The following RASL11B variants were observed in gnomAD, a reference collection of about 807,000 sequenced individuals.
The protein encoded by RASL11B is ras-like protein family member 11B.
In RASL11B, 14 loss-of-function variants were observed where a neutral mutation model predicts 22.9. That is an observed-to-expected ratio of 0.61 (90% CI 0.40 to 0.96). The LOEUF (loss-of-function observed/expected upper bound fraction) is 0.96, where lower values mean the gene tolerates loss of function less well. RASL11B is among the 40% of genes least tolerant of loss of function. The probability of loss-of-function intolerance (pLI) is 0.00; values close to 1 mark genes in which losing one functional copy is unlikely to be tolerated. For synonymous variants in RASL11B, 143 were observed against 130.2 expected, an observed-to-expected ratio of 1.10 and a Z score of -0.67; for missense variants, 261 against 322.0, an observed-to-expected ratio of 0.81 and a Z score of 1.45.
intron 1 of RASL11B, among the ~76,000 whole-genome samples, 173 bp from the exon 2 acceptor site, chr4:52,863,095 T>TA (rs1718191261): frequency 6.6e-6 from 1 of 152,184 alleles, no homozygotes. Context: ...CGATGCCTTC[T>TA]AGCCCCCTCC....
At chr4:52,863,204 G>A in intron 1 of RASL11B, 64 bp from the exon 2 acceptor site, 1 of 1,408,748 alleles carries the variant, frequency 7.1e-7, no homozygotes, top group East Asian at 2.3e-5. Context: ...CAGGCAGGGG[G>A]TGGGGTGGAG....
Position 52,866,063 on chromosome 4 carries a change from T to TGG in RASL11B, c.*261_*262dup. ...GTACTCTGTGTCTTTTCCTTTAGAGTGGGGAGGGGGCATAATCGTTTCGGT... is the reference window on the plus strand; with the variant it reads ...GTACTCTGTGTCTTTTCCTTTAGAGTGGGGGGAGGGGGCATAATCGTTTCGGT... On this transcript the variant is annotated 3_prime_UTR_variant, in exon 4 of 4. Coordinates refer to ENST00000248706, the MANE Select transcript of RASL11B (RefSeq NM_023940.3). The TGG allele has an allele frequency of 2.0e-6, 1 of 502,472 alleles. No homozygotes were observed. Among genetic ancestry groups the TGG allele is most frequent in the Non-Finnish European group, 3.6e-6 (1 of 281,536 alleles). 31.1% of individuals were successfully genotyped at this position (502,472 alleles called of 1,614,324 possible).
intron 3 of RASL11B, 106 bp downstream of exon 3, chr4:52,864,660 G>A (rs113335600): frequency 1.3e-6 from 1 of 786,904 alleles, no homozygotes; most frequent in Admixed American, 1.8e-5. Flanking sequence ...AATTTGGGGA[G>A]TCACATCTAG....
chr4:52,862,433 CCG>C lies in RASL11B; in HGVS notation c.-73_-72del. 6.6e-7 allele frequency: 1 copy of C among 1,512,520 alleles called. No individual in the cohort carries two copies. Among genetic ancestry groups the C allele is most frequent in the Non-Finnish European group, 8.9e-7 (1 of 1,126,900 alleles). The allele number at this position is 1,512,520 out of a possible 1,614,324, so 93.7% of individuals were successfully genotyped here. ...CGCGGAGCCCCGCAGTCGGGTCCTC[CCG>C]CCCGCTCCCGCGCAGCGCTAGCATT... On this transcript the variant is annotated 5_prime_UTR_variant, in exon 1 of 4. Coordinates refer to ENST00000248706, the MANE Select transcript of RASL11B (RefSeq NM_023940.3).
In RASL11B at chr4:52,865,644, G is replaced by A. The variant is rs776052513; in HGVS notation, c.586G>A (p.Val196Ile). ...NYNDVYSAFH[V>I]LCKEVSHKQQ... ...TAATGATGTCTACAGCGCCTTCCAC[G>A]TCCTCTGTAAAGAGGTCAGTCACAA... Residue 196 changes from valine to isoleucine, a missense_variant, in exon 4 of 4, where the codon GTC (valine) becomes ATC (isoleucine). Coordinates refer to ENST00000248706, the MANE Select transcript of RASL11B (RefSeq NM_023940.3). 5.6e-6 allele frequency: 9 copies of A among 1,613,970 alleles called. No individual in the cohort carries two copies. The highest frequency in any genetic ancestry group is 4.5e-5 in the East Asian group (2 of 44,896).
Position 52,862,589 on chromosome 4 carries a change from G to C in RASL11B, c.82G>C (p.Ala28Pro). 6.3e-7 allele frequency: 1 copy of C among 1,599,080 alleles called. No homozygotes were observed. Among genetic ancestry groups the C allele is most frequent in the Non-Finnish European group, 8.5e-7 (1 of 1,176,186 alleles). ...NAAASDCCVG[A>P]AGRRLVKIAV... is the part of the protein sequence containing the mutation. ...CGCGGCCTCCGACTGCTGTGTGGGC[G>C]CCGCCGGCCGCCGCCTGGTCAAGAT... The change falls in exon 1 of 4, where the codon GCC becomes CCC. Residue 28 changes from alanine (A) to proline (P), a missense_variant. Coordinates refer to ENST00000248706, the MANE Select transcript of RASL11B (RefSeq NM_023940.3).
rs370691189 is a variant in RASL11B at position 52,865,340 on chromosome 4, T to C, written c.282T>C (p.His94=). 6.9e-6 allele frequency: 11 copies of C among 1,602,846 alleles called. No homozygotes were observed. In the African/African-American group the frequency reaches 1.2e-4, roughly 18 times the overall value. ...QVQDTPGIQV[H]ENSLSCSEQL... is the part of the protein sequence containing the mutation. ...CCATCACTCCTCTCTTTCAGGTCCA[T>C]GAGAACAGCCTGAGCTGCAGTGAAC... Residue 94 remains histidine, a synonymous_variant, in exon 4 of 4, where the codon CAT becomes CAC. Transcript: ENST00000248706.
chr4:52,862,694 T>C, intron 1 of RASL11B, 45 bp downstream of exon 1: 1 of 1,491,732 alleles, frequency 6.7e-7, no homozygotes, highest in Non-Finnish European at 8.9e-7. Context: ...GGACGACCCC[T>C]GACGGGAGTT....
chr4:52,863,587 G>T, intron 2 of RASL11B: 2 of 448,904 alleles, frequency 4.5e-6, no homozygotes, highest in Non-Finnish European at 4.1e-6. Flanking sequence ...AGTGACCCCA[G>T]TTGGAAGCAC....
At chr4:52,864,391 G>A (rs1718220196) in intron 2 of RASL11B, 87 bp from the exon 3 acceptor site, 1 of 821,218 alleles carries the variant, frequency 1.2e-6, no homozygotes, top group African/African-American at 1.7e-5. Context: ...TTTATGCATT[G>A]TGCATTTTTT....
chr4:52,862,540 C>G lies in RASL11B; in HGVS notation c.33C>G (p.Ala11=). MRLIQNMCTI[A]EYPAPGNAAA... is the part of the protein sequence containing the mutation. ...TCATTCAGAACATGTGCACCATCGC[C>G]GAGTACCCCGCGCCGGGCAACGCCG... The change falls in exon 1 of 4, where the codon GCC becomes GCG. Residue 11 remains alanine (A), a synonymous_variant. Coordinates refer to ENST00000248706, the MANE Select transcript of RASL11B (RefSeq NM_023940.3). 1.9e-6 allele frequency: 3 copies of G among 1,606,534 alleles called. No homozygotes were observed. The highest frequency in any genetic ancestry group is 2.5e-6 in the Non-Finnish European group (3 of 1,177,588).
Position 52,866,257 on chromosome 4 carries a change from G to T in RASL11B, c.*452G>T. ...TTTCTTTTCCTCTTTTTCCCCAAGA[G>T]GAAGAATTGCTTTTCTCTTACCAGT... On this transcript the variant is annotated 3_prime_UTR_variant, in exon 4 of 4. Coordinates refer to ENST00000248706, the MANE Select transcript of RASL11B (RefSeq NM_023940.3). 6.1e-6 allele frequency: 1 copy of T among 164,458 alleles called. No homozygotes were observed. The allele number at this position is 164,458 out of a possible 1,614,324, so 10.2% of individuals were successfully genotyped here.
intron 3 of RASL11B, 64 bp from the exon 4 acceptor site, chr4:52,865,271 A>G (rs1437722935): frequency 1.8e-5 from 25 of 1,391,884 alleles, no homozygotes; most frequent in Non-Finnish European, 2.5e-5. Context: ...TTTGAAATCT[A>G]CCCAAGCCCA....
At position 52,866,059 on chromosome 4, in the gene RASL11B, A is replaced by G; in HGVS notation, c.*254A>G. ...AAATGTACTCTGTGTCTTTTCCTTT[A>G]GAGTGGGGAGGGGGCATAATCGTTT... is the stretch of plus-strand genomic sequence containing the variant. On this transcript the variant is annotated 3_prime_UTR_variant, in exon 4 of 4. Coordinates refer to ENST00000248706, the MANE Select transcript of RASL11B (RefSeq NM_023940.3). The G allele has an allele frequency of 2.0e-6, 1 of 509,510 alleles. No individual in the cohort carries two copies. The highest frequency in any genetic ancestry group is 5.2e-4 in the Middle Eastern group (1 of 1,934). The allele number at this position is 509,510 out of a possible 1,614,324, so 31.6% of individuals were successfully genotyped here.
chr4:52,865,533 A>G lies in RASL11B; in HGVS notation c.475A>G (p.Ile159Val), dbSNP rs1161166873. 1 of 1,614,214 alleles carries G rather than the reference A, an allele frequency of 6.2e-7. No individual in the cohort carries two copies. The highest frequency in any genetic ancestry group is 1.1e-5 in the South Asian group (1 of 91,090). ...GGCCAACAAAGCTGACCTGTTGCACATCAAACAGGTTGACCCTCAGCTTGG... is the reference window on the plus strand; with the variant it reads ...GGCCAACAAAGCTGACCTGTTGCACGTCAAACAGGTTGACCCTCAGCTTGG... Reference protein sequence around the residue: ...VVANKADLLHIKQVDPQLGLQ... With the variant: ...VVANKADLLHVKQVDPQLGLQ... Residue 159 changes from isoleucine to valine, a missense_variant, in exon 4 of 4, where the codon ATC becomes GTC. Physicochemically the swap from Ile to Val is conservative, Grantham distance 29. Transcript: ENST00000248706.
intron 1 of RASL11B, 52 bp from the exon 2 acceptor site, chr4:52,863,206 GGGGTGGAGAA>G: frequency 7.0e-7 from 1 of 1,422,686 alleles, no homozygotes; most frequent in Non-Finnish European, 9.9e-7. Flanking sequence ...GGCAGGGGGT[GGGGTGGAGAA>G]CAATCTAACT....
intron 2 of RASL11B, among the ~76,000 whole-genome samples, chr4:52,863,941 G>A (rs769722738): frequency 9.9e-5 from 15 of 152,174 alleles, no homozygotes; most frequent in Non-Finnish European, 1.5e-4. Flanking sequence ...GACCATATGA[G>A]TACCTATAGG....
At position 52,865,359 on chromosome 4, in the gene RASL11B, A is replaced by C; in HGVS notation, c.301A>C (p.Ser101Arg). 6.2e-7 allele frequency: 1 copy of C among 1,612,122 alleles called. No homozygotes were observed. The highest frequency in any genetic ancestry group is 8.5e-7 in the Non-Finnish European group (1 of 1,178,352). The change falls in exon 4 of 4, where the codon AGT (serine) becomes CGT (arginine). Residue 101 changes from serine (S) to arginine (R), a missense_variant. Ser to Arg is a moderately radical substitution (Grantham distance 110, BLOSUM62 -1). Coordinates refer to ENST00000248706, the MANE Select transcript of RASL11B (RefSeq NM_023940.3). ...IQVHENSLSC[S>R]EQLNRCIRWA... ...GGTCCATGAGAACAGCCTGAGCTGCAGTGAACAGCTGAATAGGTGCATTCG... is the reference window on the plus strand; with the variant it reads ...GGTCCATGAGAACAGCCTGAGCTGCCGTGAACAGCTGAATAGGTGCATTCG...
chr4:52,862,720 G>T (rs1188094025), intron 1 of RASL11B, 71 bp downstream of exon 1: 24 of 1,442,706 alleles, frequency 1.7e-5, no homozygotes, highest in Non-Finnish European at 2.0e-5. Flanking sequence ...TGAACAAGGC[G>T]TGGGGAGCGG....
Sources: gnomAD v4.1 joint callset for allele counts (sites outside exome capture counted in the v4.1 genomes callset) on GRCh38, gnomAD v4.1.1 for gene constraint, MANE v1.5 for transcripts, NCBI Gene and HGNC (gene_info 2026-07-23, HGNC 2026-07-21) for gene names.